The following SLCO6A1 variants were observed in gnomAD, a reference collection of about 807,000 sequenced individuals.
The protein encoded by SLCO6A1 is solute carrier organic anion transporter family member 6A1.
SLCO6A1 carries 65 observed loss-of-function variants against 72.7 expected under a neutral mutation model. That is an observed-to-expected ratio of 0.89 (90% CI 0.73 to 1.10). The LOEUF (loss-of-function observed/expected upper bound fraction) is 1.10. Among genes scored for constraint, SLCO6A1 ranks in the 50% least tolerant of loss-of-function variants. The pLI, the probability that SLCO6A1 is intolerant of heterozygous loss-of-function variation, is 0.00. For synonymous variants in SLCO6A1, 314 were observed against 298.2 expected, an observed-to-expected ratio of 1.05 and a Z score of -0.55; for missense variants, 874 against 872.6, an observed-to-expected ratio of 1.00 and a Z score of -0.02.
rs1749236690 is a variant in SLCO6A1, at chr5:102,431,840, T to C, written c.1276+6777A>G. 2.6e-5 allele frequency among the ~76,000 whole-genome samples: 4 copies of C among 152,188 alleles called. No individual in the cohort carries two copies. The South Asian group carries it at 8.3e-4, about 32-fold the overall frequency. ...TAACACTTTCGGTGAGGTGTTGAAGTCTTCCACTATTAATTGGTGGGGGTC... is the reference window on the plus strand; with the variant it reads ...TAACACTTTCGGTGAGGTGTTGAAGCCTTCCACTATTAATTGGTGGGGGTC... On this transcript the variant is annotated intron_variant, in intron 7 of 13. Transcript: ENST00000506729.
At chr5:102,391,537 G>A (rs1746759659) in intron 10 of SLCO6A1, among the ~76,000 whole-genome samples, 1 of 152,082 alleles carries the variant, frequency 6.6e-6, no homozygotes, top group East Asian at 1.9e-4. Flanking sequence ...AGGAAAGTGA[G>A]GTCAAGATTT....
chr5:102,498,412 C>A (rs910573897), intron 1 of SLCO6A1, 75 bp downstream of exon 1: 20 of 1,435,430 alleles, frequency 1.4e-5, no homozygotes, highest in Admixed American at 1.9e-5. Context: ...CGTCCTCCGC[C>A]ATACTCCCTC....
chr5:102,498,887 T>A lies in SLCO6A1; in HGVS notation c.-43A>T. ...TCCTGGCGACGCGGCCCGAGTGCTC[T>A]CGGCTGCCCGTCCTGCCTGGGCCAA... On this transcript the variant is annotated 5_prime_UTR_variant, in exon 1 of 14. Transcript: ENST00000506729. The A allele has an allele frequency of 6.5e-7, 1 of 1,547,728 alleles. No individual in the cohort carries two copies. The highest frequency in any genetic ancestry group is 8.7e-7 in the Non-Finnish European group (1 of 1,148,214).
rs879562127 is a variant in SLCO6A1, at chr5:102,414,916, TAAA to T, written c.1473-1776_1473-1774del. Among the ~76,000 whole-genome samples, 770 of 136,248 alleles carry T rather than the reference TAAA, an allele frequency of 5.7e-3. 5 individuals carry two copies. The highest frequency in any genetic ancestry group is 9.2e-3 in the Non-Finnish European group (527 of 57,048). 89.4% of individuals were successfully genotyped at this position (136,248 alleles called of 152,430 possible). ...ATCTCAAAGTAAGTAAGTAAATAAA[TAAA>T]TAAATAAATAAATAAATAAATTAAT... On this transcript the variant is annotated intron_variant, in intron 8 of 13. Transcript: ENST00000506729.
chr5:102,492,320 C>T (rs1752719479), intron 1 of SLCO6A1, among the ~76,000 whole-genome samples: 1 of 152,114 alleles, frequency 6.6e-6, no homozygotes, highest in Non-Finnish European at 1.5e-5. Context: ...TGTGAGAAAT[C>T]AGAAACACTG....
At chr5:102,496,717 T>C (rs1284920004) in intron 1 of SLCO6A1, among the ~76,000 whole-genome samples, 2 of 152,222 alleles carry the variant, frequency 1.3e-5, no homozygotes, top group Non-Finnish European at 2.9e-5. Flanking sequence ...AATACATATT[T>C]ACTGAGTGTC....
At chr5:102,489,478 A>T (rs1426370038) in intron 1 of SLCO6A1, among the ~76,000 whole-genome samples, 1 of 152,242 alleles carries the variant, frequency 6.6e-6, no homozygotes, top group African/African-American at 2.4e-5. Context: ...TCAAAAGAAG[A>T]CATAAAAATG....
At chr5:102,450,900 T>C (rs1163737794) in intron 6 of SLCO6A1, among the ~76,000 whole-genome samples, 3 of 152,144 alleles carry the variant, frequency 2.0e-5, no homozygotes, top group Admixed American at 6.5e-5. Context: ...AGACCCTTTA[T>C]CTCTTTGCCA....
intron 6 of SLCO6A1, among the ~76,000 whole-genome samples, chr5:102,439,999 A>G (rs1325610905): frequency 1.3e-5 from 2 of 152,166 alleles, no homozygotes; most frequent in Admixed American, 1.3e-4. Flanking sequence ...ATGCTACATG[A>G]CTTCTGAGGT....
At chr5:102,415,331 A>T (rs925664288) in intron 8 of SLCO6A1, among the ~76,000 whole-genome samples, 1 of 152,178 alleles carries the variant, frequency 6.6e-6, no homozygotes, top group Non-Finnish European at 1.5e-5. Context: ...CAGTAACCAA[A>T]ACAGCATTGT....
chr5:102,467,502 C>T (rs1044924529), intron 4 of SLCO6A1, among the ~76,000 whole-genome samples: 9 of 152,052 alleles, frequency 5.9e-5, no homozygotes, highest in East Asian at 1.9e-4. Context: ...GAGACTTATT[C>T]ACTACATACG....
chr5:102,491,593 C>A (rs1010216515), intron 1 of SLCO6A1, among the ~76,000 whole-genome samples: 1 of 152,246 alleles, frequency 6.6e-6, no homozygotes, highest in Non-Finnish European at 1.5e-5. Context: ...GGCCCAGGTG[C>A]TAAGCCCCTC....
chr5:102,480,761 T>C (rs746593463), intron 1 of SLCO6A1, among the ~76,000 whole-genome samples: 9 of 152,148 alleles, frequency 5.9e-5, no homozygotes, highest in Non-Finnish European at 1.2e-4. Context: ...TTTAAAACCA[T>C]TACTAATATA....
intron 12 of SLCO6A1, among the ~76,000 whole-genome samples, chr5:102,384,968 G>A (rs1746326707): frequency 6.6e-6 from 1 of 152,074 alleles, no homozygotes; most frequent in African/African-American, 2.4e-5. Flanking sequence ...AAGCATAATG[G>A]CTTAAGATCT....
chr5:102,449,312 A>T (rs1421059061), intron 6 of SLCO6A1, among the ~76,000 whole-genome samples: 1 of 151,514 alleles, frequency 6.6e-6, no homozygotes, highest in East Asian at 1.9e-4. Context: ...CTTTGCATTG[A>T]CCTTGGAAGA....
chr5:102,439,549 T>A (rs943043482), intron 6 of SLCO6A1, among the ~76,000 whole-genome samples: 1 of 152,114 alleles, frequency 6.6e-6, no homozygotes, highest in Non-Finnish European at 1.5e-5. Flanking sequence ...TAGTTCAAAT[T>A]CTCAGTGCTA....
At chr5:102,493,866 G>A (rs921256035) in intron 1 of SLCO6A1, among the ~76,000 whole-genome samples, 31 of 152,204 alleles carry the variant, frequency 2.0e-4, no homozygotes, top group East Asian at 7.7e-4. Flanking sequence ...ACTTAATATC[G>A]TTAAGAGGTC....
chr5:102,383,329 C>T (rs1746229488), intron 12 of SLCO6A1, among the ~76,000 whole-genome samples: 2 of 151,386 alleles, frequency 1.3e-5, no homozygotes, highest in African/African-American at 2.4e-5. Flanking sequence ...GATATTAGGT[C>T]TGAGTAAGTA....
chr5:102,449,959 T>C (rs552417130), intron 6 of SLCO6A1, among the ~76,000 whole-genome samples: 5 of 152,358 alleles, frequency 3.3e-5, no homozygotes, highest in African/African-American at 1.2e-4. Context: ...GAAATTCTTG[T>C]AGTGCGTTTT....
Sources: gnomAD v4.1 joint callset for allele counts (sites outside exome capture counted in the v4.1 genomes callset) on GRCh38, gnomAD v4.1.1 for gene constraint, MANE v1.5 for transcripts, NCBI Gene and HGNC (gene_info 2026-07-23, HGNC 2026-07-21) for gene names.